The following SP100 variants were observed in gnomAD, a reference collection of about 807,000 sequenced individuals.
SP100 encodes the protein nuclear autoantigen Sp-100.
SP100 carries 84 observed loss-of-function variants against 130.0 expected under a neutral mutation model. The observed-to-expected ratio is 0.65, with a 90% confidence interval of 0.54 to 0.77. The LOEUF (loss-of-function observed/expected upper bound fraction) is 0.77. Ranked by LOEUF, SP100 falls within the 30% of genes least tolerant of loss-of-function variation. The pLI, the probability that SP100 is intolerant of heterozygous loss-of-function variation, is 0.00. For missense variants in SP100, 978 were observed against 1,052.2 expected (o/e 0.93, Z 0.97); for synonymous variants, 331 against 351.7 (o/e 0.94, Z 0.66).
chr2:230,450,079 G>GA, intron 7 of SP100, 93 bp from the exon 8 acceptor site: 3 of 843,664 alleles, frequency 3.6e-6, no homozygotes, highest in Non-Finnish European at 5.9e-6. Flanking sequence ...AGAAACAGGA[G>GA]AAGAAAGGAG....
intron 17 of SP100, among the ~76,000 whole-genome samples, chr2:230,482,535 AT>A (rs112942502): frequency 2.5e-4 from 38 of 150,176 alleles, no homozygotes; most frequent in African/African-American, 8.3e-4. Context: ...AGACATTCTT[AT>A]TTTTTTTCTC....
chr2:230,418,495 G>A (rs115540717), intron 2 of SP100, among the ~76,000 whole-genome samples: 2,436 of 152,196 alleles, frequency 0.016, 31 homozygotes, highest in Middle Eastern at 0.031. Context: ...TGTGTTCCAC[G>A]TGCCTGTGGT....
chr2:230,461,183 C>T, intron 8 of SP100, 79 bp from the exon 9 acceptor site: 2 of 1,387,242 alleles, frequency 1.4e-6, no homozygotes, highest in Non-Finnish European at 1.0e-6. Context: ...AGTGAAATTG[C>T]AGAGAGGGGG....
At chr2:230,456,730 T>A (rs947918432) in intron 8 of SP100, among the ~76,000 whole-genome samples, 1 of 152,222 alleles carries the variant, frequency 6.6e-6, no homozygotes, top group African/African-American at 2.4e-5. Context: ...ATTCATTGTA[T>A]TTTTCAGCTC....
chr2:230,510,931 G>C, intron 23 of SP100, 194 bp from the exon 24 acceptor site: 9 of 612,248 alleles, frequency 1.5e-5, no homozygotes, highest in South Asian at 1.2e-4. Context: ...CACTTGCATT[G>C]GGCCAAACTG....
intron 17 of SP100, among the ~76,000 whole-genome samples, chr2:230,481,282 G>A (rs2065822023): frequency 6.6e-6 from 1 of 152,124 alleles, no homozygotes; most frequent in South Asian, 2.1e-4. Flanking sequence ...TCTACCTGAA[G>A]TCTAACAGGT....
intron 24 of SP100, chr2:230,515,637 A>G: frequency 6.2e-7 from 1 of 1,600,734 alleles, no homozygotes. Context: ...ATGATGATAA[A>G]TAAGTTGCTT....
intron 8 of SP100, among the ~76,000 whole-genome samples, chr2:230,458,668 G>A (rs1017458499): frequency 6.6e-6 from 1 of 151,768 alleles, no homozygotes; most frequent in Admixed American, 6.6e-5. Flanking sequence ...AAGGAAGGAA[G>A]CCCAGGTGAA....
chr2:230,416,231 A>G lies in SP100; in HGVS notation c.-66A>G. ...GGGCCTGGGCAGCCACACTGCACGC[A>G]GGCTGGGCCGACTGAGGGGCTCAGA... is the stretch of plus-strand genomic sequence containing the variant. On this transcript the variant is annotated 5_prime_UTR_variant, in exon 1 of 29. Coordinates refer to ENST00000340126, the MANE Select transcript of SP100 (RefSeq NM_001080391.2). The G allele has an allele frequency of 7.2e-7, 1 of 1,383,034 alleles. No homozygotes were observed. The highest frequency in any genetic ancestry group is 1.0e-6 in the Non-Finnish European group (1 of 977,922). The allele number at this position is 1,383,034 out of a possible 1,614,324, so 85.7% of individuals were successfully genotyped here.
Position 230,511,157 on chromosome 2 carries a change from T to C in SP100, c.2085T>C (p.Val695=), listed in dbSNP as rs745336978. The stretch of plus-strand genomic sequence containing the variant: ...TGGAATCTCACAACAATACCTTAGT[T>C]GACCCTTGTGTAAGTATAAATTTCC... ...RILESHNNTL[V]DPCPENSNIC... The change falls in exon 24 of 29, where the codon GTT becomes GTC. Residue 695 remains valine (V), a synonymous_variant. Transcript: ENST00000340126. The C allele has an allele frequency of 1.9e-6, 3 of 1,608,754 alleles. No individual in the cohort carries two copies. The highest frequency in any genetic ancestry group is 2.6e-6 in the Non-Finnish European group (3 of 1,175,236).
chr2:230,507,545 T>C (rs73097010), intron 22 of SP100, among the ~76,000 whole-genome samples: 1,729 of 152,272 alleles, frequency 0.011, 43 homozygotes, highest in African/African-American at 0.039. Flanking sequence ...GGTGTCAATG[T>C]TCTCACAAGA....
chr2:230,494,362 GTAAATCTTTGTTTATAGTTC>G (rs2066548976), intron 17 of SP100, 34 bp from the exon 18 acceptor site: 7 of 1,319,584 alleles, frequency 5.3e-6, no homozygotes, highest in Non-Finnish European at 7.7e-6. Flanking sequence ...TATAAAGTGT[GTAAATCTTTGTTTATAGTTC>G]TAAAGGATTA....
chr2:230,522,003 T>A (rs1329232648), intron 24 of SP100, among the ~76,000 whole-genome samples: 1 of 152,232 alleles, frequency 6.6e-6, no homozygotes, highest in Non-Finnish European at 1.5e-5. Context: ...GGAAACACCC[T>A]GACTGTTTTG....
In SP100 at chr2:230,521,089, G is replaced by A. The variant is rs1404532210; in HGVS notation, c.2094+9923G>A. 4.6e-5 allele frequency among the ~76,000 whole-genome samples: 7 copies of A among 152,258 alleles called. No individual in the cohort carries two copies. The East Asian group carries it at 1.4e-3, about 29-fold the overall frequency. On this transcript the variant is annotated intron_variant, in intron 24 of 28. Coordinates refer to ENST00000340126, the MANE Select transcript of SP100 (RefSeq NM_001080391.2). Reference sequence around the variant, plus strand: ...GACCTTCCCAAGGTAGGTTAATCTGGAAGCCTGTTTACTTTTAAATTAAAC... The same window carrying A: ...GACCTTCCCAAGGTAGGTTAATCTGAAAGCCTGTTTACTTTTAAATTAAAC...
chr2:230,475,812 A>AT, intron 17 of SP100, among the ~76,000 whole-genome samples: 1 of 152,076 alleles, frequency 6.6e-6, no homozygotes, highest in East Asian at 1.9e-4. Context: ...CCCATTGCTT[A>AT]TTTTTGTTGA....
At chr2:230,520,164 A>C (rs528792531) in intron 24 of SP100, among the ~76,000 whole-genome samples, 1 of 152,216 alleles carries the variant, frequency 6.6e-6, no homozygotes, top group Non-Finnish European at 1.5e-5. Context: ...ATCAGTTTTT[A>C]TGAAGCTTGC....
intron 24 of SP100, chr2:230,515,177 T>C: frequency 6.2e-7 from 1 of 1,613,550 alleles, no homozygotes; most frequent in Non-Finnish European, 8.5e-7. Flanking sequence ...TGGAAGACCA[T>C]TTTTGCTAAA....
intron 24 of SP100, chr2:230,520,820 G>A (rs1691138266): frequency 6.6e-6 from 1 of 152,236 alleles, no homozygotes; most frequent in Admixed American, 6.5e-5. Flanking sequence ...AGAAGGAAGA[G>A]GGACTCTTCA....
At chr2:230,432,389 A>G (rs2063126109) in intron 2 of SP100, among the ~76,000 whole-genome samples, 1 of 152,154 alleles carries the variant, frequency 6.6e-6, no homozygotes, top group African/African-American at 2.4e-5. Context: ...GTTCGTTTCT[A>G]GGTAGATATT....
Sources: gnomAD v4.1 joint callset for allele counts (sites outside exome capture counted in the v4.1 genomes callset) on GRCh38, gnomAD v4.1.1 for gene constraint, MANE v1.5 for transcripts, NCBI Gene and HGNC (gene_info 2026-07-23, HGNC 2026-07-21) for gene names.